Variants in NRXN3 observed in about 807,000 individuals in gnomAD.
NRXN3 encodes the protein neurexin 3.
A neutral mutation model predicts 137.6 loss-of-function variants in NRXN3; 32 were observed. The observed-to-expected ratio is 0.23, with a 90% CI of 0.18 to 0.31. NRXN3 has a LOEUF of 0.31. Ranked by LOEUF, NRXN3 falls within the 10% of genes least tolerant of loss-of-function variation. The pLI is 1.00. For missense variants in NRXN3, 1,574 were observed against 2,062.5 expected, an observed-to-expected ratio of 0.76 and a Z score of 4.59; for synonymous variants, 798 against 784.5, an observed-to-expected ratio of 1.02 and a Z score of -0.29.
chr14:78,816,559 C>T (rs1462849038), intron 10 of NRXN3, among the ~76,000 whole-genome samples: 1 of 152,032 alleles, frequency 6.6e-6, no homozygotes, highest in Non-Finnish European at 1.5e-5. Flanking sequence ...ATTAAATCAG[C>T]ACCGTACATT....
intron 10 of NRXN3, among the ~76,000 whole-genome samples, chr14:78,810,586 A>G (rs376547638): frequency 6.6e-6 from 1 of 152,060 alleles, no homozygotes; most frequent in Non-Finnish European, 1.5e-5. Context: ...TTTGCTCTAT[A>G]TGAAGAAAAG....
At chr14:78,876,791 T>G (rs949942123) in intron 10 of NRXN3, among the ~76,000 whole-genome samples, 11 of 152,150 alleles carry the variant, frequency 7.2e-5, no homozygotes, top group African/African-American at 2.7e-4. Context: ...GGGGTTGTTG[T>G]GAGGATTAAA....
intron 1 of NRXN3, among the ~76,000 whole-genome samples, chr14:78,194,840 A>G (rs2061080804): frequency 6.6e-6 from 1 of 152,196 alleles, no homozygotes; most frequent in Non-Finnish European, 1.5e-5. Context: ...CCAGCCAGCA[A>G]TCTACGCCCC....
At chr14:79,573,310 T>G (rs1420924099) in intron 16 of NRXN3, among the ~76,000 whole-genome samples, 4 of 151,972 alleles carry the variant, frequency 2.6e-5, no homozygotes, top group African/African-American at 9.7e-5. Context: ...TAAAAGAAGG[T>G]GTAGGGCAGG....
At chr14:78,776,590 G>T (rs923708402) in intron 8 of NRXN3, among the ~76,000 whole-genome samples, 4 of 152,086 alleles carry the variant, frequency 2.6e-5, no homozygotes, top group Non-Finnish European at 4.4e-5. Flanking sequence ...TGTACATTAG[G>T]TAGTTATTTA....
intron 17 of NRXN3, among the ~76,000 whole-genome samples, chr14:79,677,512 G>T (rs550952991): frequency 6.6e-6 from 1 of 152,104 alleles, no homozygotes; most frequent in Non-Finnish European, 1.5e-5. Context: ...TTTTTCTGTG[G>T]TATGGGTGGC....
chr14:79,365,129 T>C (rs897897109), intron 15 of NRXN3, among the ~76,000 whole-genome samples: 4 of 152,182 alleles, frequency 2.6e-5, no homozygotes, highest in Admixed American at 6.5e-5. Context: ...TGGTGGTGTT[T>C]AGTTTGTGGG....
At chr14:78,343,974 A>G (rs899167681) in intron 4 of NRXN3, among the ~76,000 whole-genome samples, 2 of 152,198 alleles carry the variant, frequency 1.3e-5, no homozygotes, top group African/African-American at 2.4e-5. Context: ...TCATCTGAGG[A>G]ACCCTAAAAA....
chr14:79,385,766 T>G (rs968573085), intron 15 of NRXN3, among the ~76,000 whole-genome samples: 7 of 152,134 alleles, frequency 4.6e-5, no homozygotes, highest in Non-Finnish European at 7.4e-5. Flanking sequence ...ATTTTTCAAG[T>G]GGGCTTCATC....
intron 15 of NRXN3, among the ~76,000 whole-genome samples, chr14:79,252,847 T>A (rs1407851245): frequency 6.6e-6 from 1 of 152,156 alleles, no homozygotes; most frequent in Admixed American, 6.5e-5. Context: ...CTTAGAACAT[T>A]TGGAGAACTT....
At chr14:78,363,294 C>T (rs2085407741) in intron 4 of NRXN3, among the ~76,000 whole-genome samples, 2 of 152,168 alleles carry the variant, frequency 1.3e-5, no homozygotes, top group Non-Finnish European at 2.9e-5. Flanking sequence ...CCAAGCCTAG[C>T]TCTTAAGTAC....
At chr14:79,302,288 G>A (rs916769033) in intron 15 of NRXN3, among the ~76,000 whole-genome samples, 12 of 152,046 alleles carry the variant, frequency 7.9e-5, no homozygotes, top group South Asian at 2.1e-4. Flanking sequence ...AAGGAATACC[G>A]GAGGCTGGGT....
At chr14:79,522,149 G>A (rs2097071958) in intron 16 of NRXN3, among the ~76,000 whole-genome samples, 1 of 152,150 alleles carries the variant, frequency 6.6e-6, no homozygotes, top group African/African-American at 2.4e-5. Flanking sequence ...GTACTTCTGT[G>A]GAACAGGTAG....
At chr14:78,353,525 C>T (rs1412920457) in intron 4 of NRXN3, among the ~76,000 whole-genome samples, 1 of 152,130 alleles carries the variant, frequency 6.6e-6, no homozygotes, top group African/African-American at 2.4e-5. Flanking sequence ...CTCTCGTGAT[C>T]TAACTACCTC....
At chr14:79,589,340 CTA>C (rs1449837588) in intron 16 of NRXN3, among the ~76,000 whole-genome samples, 1 of 151,968 alleles carries the variant, frequency 6.6e-6, no homozygotes, top group Non-Finnish European at 1.5e-5. Flanking sequence ...TTCATTTACT[CTA>C]TTTTTTTTTG....
intron 19 of NRXN3, among the ~76,000 whole-genome samples, chr14:79,803,009 T>A (rs1460817779): frequency 6.6e-6 from 1 of 152,138 alleles, no homozygotes; most frequent in Non-Finnish European, 1.5e-5. Context: ...GTAACAAACC[T>A]GCACGTTTTG....
At chr14:79,456,149 AG>A (rs2096254314) in intron 15 of NRXN3, among the ~76,000 whole-genome samples, 1 of 152,204 alleles carries the variant, frequency 6.6e-6, no homozygotes, top group African/African-American at 2.4e-5. Flanking sequence ...GAAATCATTA[AG>A]GATTTCTTTG....
intron 15 of NRXN3, among the ~76,000 whole-genome samples, chr14:79,440,759 T>C (rs1240880534): frequency 2.0e-5 from 3 of 152,196 alleles, no homozygotes; most frequent in Admixed American, 2.0e-4. Context: ...TTTTTTTAAT[T>C]CTAGAGACCA....
intron 4 of NRXN3, among the ~76,000 whole-genome samples, chr14:78,402,729 G>A (rs1227424849): frequency 6.6e-6 from 1 of 152,118 alleles, no homozygotes; most frequent in Non-Finnish European, 1.5e-5. Context: ...AGGTTACCTA[G>A]TATCTCTAAC....
Sources: allele counts gnomAD v4.1 joint callset (sites outside exome capture counted in the v4.1 genomes callset), GRCh38; gene constraint gnomAD v4.1.1; transcripts MANE v1.5; gene names NCBI Gene and HGNC (gene_info 2026-07-23, HGNC 2026-07-21).